The following MDGA2 variants were observed in gnomAD, a reference collection of about 807,000 sequenced individuals.
MDGA2 encodes the protein MAM domain containing glycosylphosphatidylinositol anchor 2, also known as MAM domain-containing glycosylphosphatidylinositol anchor protein 2.
A neutral mutation model predicts 117.8 loss-of-function variants in MDGA2; 40 were observed. The ratio of observed to expected loss-of-function variants is 0.34; its 90% CI spans 0.26 to 0.44. The LOEUF (loss-of-function observed/expected upper bound fraction) is 0.44. Among genes scored for constraint, MDGA2 ranks in the 20% least tolerant of loss-of-function variants. The pLI is 1.00. For synonymous variants in MDGA2, 452 were observed against 439.0 expected, an observed-to-expected ratio of 1.03 and a Z score of -0.37; for missense variants, 1,123 against 1,250.6, an observed-to-expected ratio of 0.90 and a Z score of 1.54.
chr14:47,422,958 A>T (rs1892610093), intron 1 of MDGA2, among the ~76,000 whole-genome samples: 2 of 152,162 alleles, frequency 1.3e-5, no homozygotes, highest in South Asian at 4.1e-4. Flanking sequence ...CAGACGACAG[A>T]TTTTACCTGT....
Position 47,543,753 on chromosome 14 carries a change from T to A in MDGA2, c.280+130764A>T, listed in dbSNP as rs565309453. Among the ~76,000 whole-genome samples, 3 of 152,332 alleles carry A rather than the reference T, an allele frequency of 2.0e-5. No individual in the cohort carries two copies. In the South Asian group the frequency reaches 6.2e-4, roughly 32 times the overall value. ...AATCTATAAATCATCAAGGGAGATGTTTTGAAAGATGCTATCTAAGAGATT... is the reference window on the plus strand; with the variant it reads ...AATCTATAAATCATCAAGGGAGATGATTTGAAAGATGCTATCTAAGAGATT... On this transcript the variant is annotated intron_variant, in intron 1 of 16. Transcript: ENST00000399232.
chr14:46,847,557 TAA>T (rs1380479420), intron 15 of MDGA2, among the ~76,000 whole-genome samples: 1 of 152,034 alleles, frequency 6.6e-6, no homozygotes, highest in Non-Finnish European at 1.5e-5. Flanking sequence ...GAAGTGGCTT[TAA>T]AAAGTCTCAG....
In MDGA2 at chr14:47,667,714, C is replaced by T. The variant is rs184230838; in HGVS notation, c.280+6803G>A. On this transcript the variant is annotated intron_variant, in intron 1 of 16. Transcript: ENST00000399232. The stretch of plus-strand genomic sequence containing the variant: ...TGTGCTGTCCATTAAGACTTAGAGA[C>T]GCCTAGCTGTGAACAAACCCTTCCT... Among the ~76,000 whole-genome samples, 10 of 152,302 alleles carry T rather than the reference C, an allele frequency of 6.6e-5. 1 individual carries two copies. In the East Asian group the frequency reaches 7.7e-4, roughly 12 times the overall value.
At chr14:47,458,622 T>C (rs755376667) in intron 1 of MDGA2, among the ~76,000 whole-genome samples, 4 of 152,144 alleles carry the variant, frequency 2.6e-5, no homozygotes, top group Non-Finnish European at 5.9e-5. Flanking sequence ...CTCTGGTGTA[T>C]ACTTGAAATG....
chr14:47,286,467 G>A (rs751972929), intron 2 of MDGA2, among the ~76,000 whole-genome samples: 13 of 151,964 alleles, frequency 8.6e-5, no homozygotes, highest in Non-Finnish European at 1.5e-4. Context: ...ACATGTTAGT[G>A]AGAACATGTA....
chr14:47,185,005 T>G (rs1315539777), intron 3 of MDGA2, among the ~76,000 whole-genome samples: 1 of 150,996 alleles, frequency 6.6e-6, no homozygotes, highest in Non-Finnish European at 1.5e-5. Flanking sequence ...AAAATAGAAA[T>G]AAATGAGTAA....
intron 9 of MDGA2, among the ~76,000 whole-genome samples, chr14:46,930,158 G>A (rs1884513094): frequency 6.6e-6 from 1 of 151,874 alleles, no homozygotes; most frequent in Non-Finnish European, 1.5e-5. Context: ...TTTCTAACAT[G>A]TAATACCCAA....
intron 7 of MDGA2, among the ~76,000 whole-genome samples, chr14:47,054,511 T>G (rs541881822): frequency 1.1e-4 from 15 of 141,334 alleles, no homozygotes; most frequent in Non-Finnish European, 2.1e-4. Context: ...TTTCCCTTCC[T>G]GTGTCCATGT....
rs151245926 is a variant in MDGA2 at position 47,237,197 on chromosome 14, C to T, written c.421-19002G>A. Reference sequence around the variant, plus strand: ...AAAAAAATCATTTATTGGGCAGGAACCAAGAAGGTAAGGTCCTAAAATCTA... The same window carrying T: ...AAAAAAATCATTTATTGGGCAGGAATCAAGAAGGTAAGGTCCTAAAATCTA... On this transcript the variant is annotated intron_variant, in intron 2 of 16. Transcript: ENST00000399232. 1.7e-4 allele frequency among the ~76,000 whole-genome samples: 26 copies of T among 151,850 alleles called. No homozygotes were observed. The East Asian group carries it at 5.0e-3, about 29-fold the overall frequency.
At chr14:47,042,321 T>TG (rs1555346005) in intron 7 of MDGA2, among the ~76,000 whole-genome samples, 78 of 130,792 alleles carry the variant, frequency 6.0e-4, no homozygotes, top group South Asian at 5.9e-3. Context: ...TGTTTTTTTT[T>TG]TTTTTTTGTG....
chr14:47,218,050 G>T lies in MDGA2; in HGVS notation c.566C>A (p.Ala189Glu), dbSNP rs1462832940. 6.5e-7 allele frequency: 1 copy of T among 1,549,304 alleles called. No individual in the cohort carries two copies. The highest frequency in any genetic ancestry group is 8.7e-7 in the Non-Finnish European group (1 of 1,145,604). The change falls in exon 3 of 17, where the codon GCG becomes GAG. Residue 189 changes from alanine to glutamate, a missense_variant. Coordinates refer to ENST00000399232, the MANE Select transcript of MDGA2 (RefSeq NM_001113498.3). ...CKAENGLGSP[A>E]IKSIRVDVYY... ...TACATCCACTCTGATTGACTTTATC[G>T]CTGGAGACCCCAAGCCATTCTCTGC... is the stretch of plus-strand genomic sequence containing the variant.
intron 1 of MDGA2, among the ~76,000 whole-genome samples, chr14:47,533,808 A>G (rs1895151126): frequency 6.6e-6 from 1 of 152,232 alleles, no homozygotes; most frequent in South Asian, 2.1e-4. Context: ...TCCAGAGTTT[A>G]GCAAAAGATA....
intron 8 of MDGA2, among the ~76,000 whole-genome samples, chr14:47,031,157 C>A (rs1035559704): frequency 4.0e-5 from 6 of 151,484 alleles, no homozygotes; most frequent in African/African-American, 1.5e-4. Flanking sequence ...GAATAAACCT[C>A]ATTTGGATAT....
intron 1 of MDGA2, among the ~76,000 whole-genome samples, chr14:47,317,194 A>G (rs999850097): frequency 1.3e-5 from 2 of 152,118 alleles, no homozygotes; most frequent in Admixed American, 1.3e-4. Context: ...TACATTACTC[A>G]TTTGATAAGT....
intron 3 of MDGA2, among the ~76,000 whole-genome samples, chr14:47,214,020 G>A (rs889343307): frequency 6.6e-6 from 1 of 152,066 alleles, no homozygotes; most frequent in South Asian, 2.1e-4. Context: ...GAAGAGGGGG[G>A]TAAAGAGTCC....
Position 47,477,704 on chromosome 14 carries a change from T to C in MDGA2, c.281-176154A>G, listed in dbSNP as rs187089581. 5.9e-5 allele frequency among the ~76,000 whole-genome samples: 9 copies of C among 152,274 alleles called. No individual in the cohort carries two copies. The East Asian group carries it at 1.5e-3, about 26-fold the overall frequency. ...TCAGTTTCTTTGTGCTAACCCTCTG[T>C]CTGAGATATAAGAATGATATTCATT... On this transcript the variant is annotated intron_variant, in intron 1 of 16. Transcript: ENST00000399232.
At chr14:47,106,639 G>C (rs375075909) in intron 5 of MDGA2, among the ~76,000 whole-genome samples, 1 of 152,002 alleles carries the variant, frequency 6.6e-6, no homozygotes, top group African/African-American at 2.4e-5. Context: ...AGATCTTCTC[G>C]GCTTAGCAGC....
Position 47,227,986 on chromosome 14 carries a change from G to A in MDGA2, c.421-9791C>T, listed in dbSNP as rs144823728. Among the ~76,000 whole-genome samples the A allele has an allele frequency of 2.2e-3, 329 of 151,964 alleles. 3 individuals carry two copies. The highest frequency in any genetic ancestry group is 7.5e-3 in the African/African-American group (309 of 41,418). On this transcript the variant is annotated intron_variant, in intron 2 of 16. Transcript: ENST00000399232. ...AGCCACCAAGTGCCTGCTCTCCATCGCCAACATAACACATCCAAAATGAAC... is the reference window on the plus strand; with the variant it reads ...AGCCACCAAGTGCCTGCTCTCCATCACCAACATAACACATCCAAAATGAAC...
intron 2 of MDGA2, among the ~76,000 whole-genome samples, chr14:47,283,448 C>T (rs546822550): frequency 5.3e-5 from 8 of 152,236 alleles, no homozygotes; most frequent in African/African-American, 1.9e-4. Context: ...GTGTGTTTTG[C>T]ATGTCACCTA....
Sources: allele counts gnomAD v4.1 joint callset (sites outside exome capture counted in the v4.1 genomes callset), GRCh38; gene constraint gnomAD v4.1.1; transcripts MANE v1.5; gene names NCBI Gene and HGNC (gene_info 2026-07-23, HGNC 2026-07-21).